TNFRSF11A: variants seen among roughly 807,000 people sequenced by gnomAD.
TNFRSF11A encodes tumor necrosis factor receptor superfamily member 11A.
Under a neutral mutation model 55.7 loss-of-function variants are expected in TNFRSF11A, and 32 were observed. The observed-to-expected ratio is 0.57, with a 90% CI of 0.43 to 0.77. The LOEUF (loss-of-function observed/expected upper bound fraction) is 0.77. Among genes scored for constraint, TNFRSF11A ranks in the 30% least tolerant of loss-of-function variants. The probability of loss-of-function intolerance (pLI) is 0.00; values close to 1 mark genes in which losing one functional copy is unlikely to be tolerated. For missense variants in TNFRSF11A, 753 were observed against 809.8 expected, an observed-to-expected ratio of 0.93 and a Z score of 0.85; for synonymous variants, 311 against 331.0, an observed-to-expected ratio of 0.94 and a Z score of 0.65.
At chr18:62,346,885 G>A (rs17720953) in intron 1 of TNFRSF11A, among the ~76,000 whole-genome samples, 32,530 of 152,094 alleles carry the variant, frequency 0.21, 4,005 homozygotes, top group Non-Finnish European at 0.27. Flanking sequence ...GTGACACTGG[G>A]CTCCAGCTGG....
chr18:62,384,478 T>G (rs1408620210), intron 9 of TNFRSF11A, among the ~76,000 whole-genome samples: 1 of 111,086 alleles, frequency 9.0e-6, no homozygotes, highest in South Asian at 3.4e-4. Flanking sequence ...CTCCTCCCCC[T>G]TCCCCCCTCC....
rs183441285 is a variant in TNFRSF11A, at chr18:62,380,697, A to G, written c.1568-4054A>G. ...GTGATCCACCCGCCTCGGCCTCCCA[A>G]AGTACTGGGATTACAGGCGTGAGCC... On this transcript the variant is annotated intron_variant, in intron 9 of 9. Transcript: ENST00000586569. 1.1e-3 allele frequency among the ~76,000 whole-genome samples: 165 copies of G among 152,136 alleles called. 1 individual carries two copies. The highest frequency in any genetic ancestry group is 3.7e-3 in the African/African-American group (154 of 41,506).
At chr18:62,376,122 G>T (rs1910875266) in intron 9 of TNFRSF11A, among the ~76,000 whole-genome samples, 1 of 152,168 alleles carries the variant, frequency 6.6e-6, no homozygotes, top group Admixed American at 6.5e-5. Flanking sequence ...TGGCCCAGAG[G>T]GTTCCACAGG....
chr18:62,337,068 T>C (rs2046245558), intron 1 of TNFRSF11A, among the ~76,000 whole-genome samples: 1 of 152,206 alleles, frequency 6.6e-6, no homozygotes, highest in Non-Finnish European at 1.5e-5. Context: ...CAAGACGGTG[T>C]ATAAAGTCAA....
chr18:62,335,164 C>T lies in TNFRSF11A; in HGVS notation c.75+9737C>T, dbSNP rs117607769. ...TTTTTTTGTTACCCAGGCTGGAGTG[C>T]AGTGGCGCGATCTCAGCTCACTGAA... On this transcript the variant is annotated intron_variant, in intron 1 of 9. Coordinates refer to ENST00000586569, the MANE Select transcript of TNFRSF11A (RefSeq NM_003839.4). 9.5e-3 allele frequency among the ~76,000 whole-genome samples: 1,186 copies of T among 124,390 alleles called. 9 individuals are homozygous for T. Among genetic ancestry groups the T allele is most frequent in the South Asian group, 0.025 (102 of 4,054 alleles). 81.6% of individuals were successfully genotyped at this position (124,390 alleles called of 152,430 possible).
chr18:62,343,513 G>A (rs1358363903), intron 1 of TNFRSF11A, among the ~76,000 whole-genome samples: 1 of 152,116 alleles, frequency 6.6e-6, no homozygotes, highest in African/African-American at 2.4e-5. Context: ...TCAGCTTATG[G>A]TTTTTCAGAA....
chr18:62,386,590 G>A lies in TNFRSF11A; in HGVS notation c.*1556G>A, dbSNP rs1305005818. ...ACTGGGGAAAAGCAAAAATACACAA[G>A]CAAGTTAAAATTAATTTTGCACATC... On this transcript the variant is annotated 3_prime_UTR_variant, in exon 10 of 10. Transcript: ENST00000586569. 6.6e-6 allele frequency: 1 copy of A among 152,160 alleles called. No homozygotes were observed. Among genetic ancestry groups the A allele is most frequent in the African/African-American group, 2.4e-5 (1 of 41,434 alleles). The allele number at this position is 152,160 out of a possible 1,614,324, so 9.4% of individuals were successfully genotyped here.
Position 62,388,817 on chromosome 18 carries a change from T to C in TNFRSF11A, c.*3783T>C, listed in dbSNP as rs1049319098. 1 of 152,242 alleles carries C rather than the reference T, an allele frequency of 6.6e-6. No homozygotes were observed. The highest frequency in any genetic ancestry group is 2.4e-5 in the African/African-American group (1 of 41,454). The allele number at this position is 152,242 out of a possible 1,614,324, so 9.4% of individuals were successfully genotyped here. On this transcript the variant is annotated 3_prime_UTR_variant, in exon 10 of 10. Coordinates refer to ENST00000586569, the MANE Select transcript of TNFRSF11A (RefSeq NM_003839.4). ...TCACAACTTCTAAAATCAAGAAAACTGGTGAGATACCTTGGGGTAGAGAAA... is the reference window on the plus strand; with the variant it reads ...TCACAACTTCTAAAATCAAGAAAACCGGTGAGATACCTTGGGGTAGAGAAA...
Position 62,368,897 on chromosome 18 carries a change from T to G in TNFRSF11A, c.980T>G (p.Leu327Arg), listed in dbSNP as rs540191294. The part of the protein sequence containing the change: ...PYAQGEDARM[L>R]SLVSKTEIEE... The stretch of plus-strand genomic sequence containing the variant: ...GCACAAGGCGAAGATGCCAGGATGC[T>G]CTCATTGGTCAGCAAGACCGAGATA... The change falls in exon 9 of 10, where the codon CTC becomes CGC. Residue 327 changes from leucine (L) to arginine (R), a missense_variant. This residue lies in a region of TNFRSF11A where 567 missense variants were observed against 596.7 expected (regional missense o/e 0.95). Coordinates refer to ENST00000586569, the MANE Select transcript of TNFRSF11A (RefSeq NM_003839.4). The G allele has an allele frequency of 2.5e-6, 4 of 1,614,218 alleles. No individual in the cohort carries two copies. The highest frequency in any genetic ancestry group is 2.7e-5 in the African/African-American group (2 of 75,030).
chr18:62,347,528 C>T (rs973796017), intron 1 of TNFRSF11A, among the ~76,000 whole-genome samples: 2 of 152,208 alleles, frequency 1.3e-5, no homozygotes, highest in African/African-American at 4.8e-5. Flanking sequence ...TGCAGTCCTT[C>T]AGGCAACAGG....
At chr18:62,348,501 C>T (rs554361487) in intron 2 of TNFRSF11A, among the ~76,000 whole-genome samples, 7 of 152,282 alleles carry the variant, frequency 4.6e-5, no homozygotes, top group Non-Finnish European at 8.8e-5. Context: ...CACAATTTTC[C>T]AAAACACTAT....
rs773225029 is a variant in TNFRSF11A at position 62,384,809 on chromosome 18, C to A, written c.1626C>A (p.Phe542Leu). 6.8e-6 allele frequency: 11 copies of A among 1,612,710 alleles called. No homozygotes were observed. The Admixed American group carries it at 1.0e-4, about 15-fold the overall frequency. Reference sequence around the variant, plus strand: ...TCTCCAGCGGGCAGGTGATGAACTTCAAGGGCGACATCATCGTGGTCTACG... The same window carrying A: ...TCTCCAGCGGGCAGGTGATGAACTTAAAGGGCGACATCATCGTGGTCTACG... Reference protein sequence around the residue: ...TFISSGQVMNFKGDIIVVYVS... With the variant: ...TFISSGQVMNLKGDIIVVYVS... The change falls in exon 10 of 10, where the codon TTC (phenylalanine) becomes TTA (leucine). Residue 542 changes from phenylalanine to leucine, a missense_variant. Physicochemically the swap from Phe to Leu is conservative, Grantham distance 22. Transcript: ENST00000586569.
intron 6 of TNFRSF11A, among the ~76,000 whole-genome samples, chr18:62,360,275 A>G (rs1439613903): frequency 6.6e-6 from 1 of 152,164 alleles, no homozygotes; most frequent in Non-Finnish European, 1.5e-5. Context: ...ATGTTTTGAT[A>G]TACATAAAAA....
intron 9 of TNFRSF11A, among the ~76,000 whole-genome samples, chr18:62,371,621 G>A (rs759371185): frequency 7.9e-5 from 12 of 152,194 alleles, no homozygotes; most frequent in Admixed American, 1.3e-4. Flanking sequence ...GAGTCTGCCC[G>A]TGGTCGACGC....
intron 1 of TNFRSF11A, among the ~76,000 whole-genome samples, chr18:62,339,872 G>C (rs368843770): frequency 6.6e-6 from 1 of 152,206 alleles, no homozygotes; most frequent in African/African-American, 2.4e-5. Flanking sequence ...AACAGTATGT[G>C]TGTGGGGAGA....
intron 2 of TNFRSF11A, 46 bp from the exon 3 acceptor site, chr18:62,349,766 T>C: frequency 6.2e-7 from 1 of 1,611,502 alleles, no homozygotes; most frequent in Non-Finnish European, 8.5e-7. Context: ...TTGCTGTTTT[T>C]GTTTGGTTTT....
Position 62,383,046 on chromosome 18 carries a change from A to G in TNFRSF11A, c.1568-1705A>G, listed in dbSNP as rs1261378938. Among the ~76,000 whole-genome samples the G allele has an allele frequency of 6.6e-6, 1 of 152,124 alleles. No homozygotes were observed. The highest frequency in any genetic ancestry group is 1.5e-5 in the Non-Finnish European group (1 of 68,012). ...ACTGGAGTACGCTGCATGCCTGGCAATGTGTGGAGAGGGGGTGGAGAAGGT... is the reference window on the plus strand; with the variant it reads ...ACTGGAGTACGCTGCATGCCTGGCAGTGTGTGGAGAGGGGGTGGAGAAGGT... On this transcript the variant is annotated intron_variant, in intron 9 of 9. Coordinates refer to ENST00000586569, the MANE Select transcript of TNFRSF11A (RefSeq NM_003839.4). The surrounding 1 kb of genome is among the most constrained non-coding windows in gnomAD (Gnocchi z 4.2).
chr18:62,329,943 G>A (rs143867530), intron 1 of TNFRSF11A, among the ~76,000 whole-genome samples: 76 of 152,318 alleles, frequency 5.0e-4, no homozygotes, highest in African/African-American at 1.6e-3. Flanking sequence ...CTTTAGGGCC[G>A]TGTGATGATG....
intron 9 of TNFRSF11A, among the ~76,000 whole-genome samples, chr18:62,373,365 A>G (rs1024058837): frequency 2.0e-5 from 3 of 152,172 alleles, no homozygotes; most frequent in African/African-American, 4.8e-5. Flanking sequence ...AAGCTGAGGC[A>G]GGAGAATTGC....
Sources: gnomAD v4.1 joint callset for allele counts (sites outside exome capture counted in the v4.1 genomes callset) on GRCh38, gnomAD v4.1.1 for gene constraint, gnomAD v4.1.1 regional missense constraint, Gnocchi (gnomAD v3.1) non-coding constraint, MANE v1.5 for transcripts, NCBI Gene and HGNC (gene_info 2026-07-23, HGNC 2026-07-21) for gene names.